The following STK33 variants were observed in gnomAD, a reference collection of about 807,000 sequenced individuals.
STK33 encodes serine/threonine-protein kinase 33.
In STK33, 52 loss-of-function variants were observed where a neutral mutation model predicts 58.0. That is an observed-to-expected ratio of 0.90 (90% CI 0.72 to 1.13). The LOEUF is 1.13. Among genes scored for constraint, STK33 ranks in the 50% most tolerant of loss-of-function variants. The pLI is 0.00. For synonymous variants in STK33, 215 were observed against 200.1 expected (o/e 1.07, Z -0.63); for missense variants, 630 against 604.2 (o/e 1.04, Z -0.45).
chr11:8,497,920 T>C (rs1225987769), intron 1 of STK33, among the ~76,000 whole-genome samples: 1 of 152,134 alleles, frequency 6.6e-6, no homozygotes, highest in African/African-American at 2.4e-5. Flanking sequence ...CACACAACTT[T>C]TGTAGACCAA....
At chr11:8,507,190 A>G (rs1052078462) in intron 1 of STK33, among the ~76,000 whole-genome samples, 9 of 152,146 alleles carry the variant, frequency 5.9e-5, no homozygotes, top group African/African-American at 2.2e-4. Context: ...GCCTTGGTTG[A>G]GCAAAACTCC....
intron 1 of STK33, among the ~76,000 whole-genome samples, chr11:8,578,719 T>C: frequency 6.6e-6 from 1 of 152,050 alleles, no homozygotes. Flanking sequence ...CTATATACTC[T>C]TCTTTTTTAA....
In STK33 at chr11:8,594,206, G is replaced by A. The variant is rs965541618; in HGVS notation, c.-589C>T. On this transcript the variant is annotated 5_prime_UTR_variant, in exon 1 of 16. Transcript: ENST00000687296. ...CAGAGCAACCGCAGGGCAGTGGACG[G>A]GGGCCGCGCGAGGACAAACAGCGGC... is the stretch of plus-strand genomic sequence containing the variant. 1 of 152,308 alleles carries A rather than the reference G, an allele frequency of 6.6e-6. No homozygotes were observed. Among genetic ancestry groups the A allele is most frequent in the Non-Finnish European group, 1.5e-5 (1 of 68,110 alleles). 9.4% of individuals were successfully genotyped at this position (152,308 alleles called of 1,614,324 possible).
chr11:8,497,114 G>C (rs1380231082), intron 1 of STK33, among the ~76,000 whole-genome samples: 1 of 151,842 alleles, frequency 6.6e-6, no homozygotes, highest in African/African-American at 2.4e-5. Flanking sequence ...GACACCTGTG[G>C]GATACCATCA....
At chr11:8,396,228 C>A (rs775307666) in intron 15 of STK33, among the ~76,000 whole-genome samples, 5 of 152,114 alleles carry the variant, frequency 3.3e-5, no homozygotes, top group Non-Finnish European at 5.9e-5. Context: ...CTCAGCCTCC[C>A]GAGTAGTTGG....
rs972795251 is a variant in STK33 at position 8,518,320 on chromosome 11, T to C, written c.-465-37706A>G. ...AGATTTTGTCACCACCAGGCCTGCC[T>C]TACAAGAGCTCCCGAAGGAAGTACT... On this transcript the variant is annotated intron_variant, in intron 1 of 15. Coordinates refer to ENST00000687296, the MANE Select transcript of STK33 (RefSeq NM_001352389.2). Among the ~76,000 whole-genome samples the C allele has an allele frequency of 5.9e-5, 9 of 152,210 alleles. No individual in the cohort carries two copies. In the South Asian group the frequency reaches 6.2e-4, roughly 11 times the overall value.
intron 1 of STK33, among the ~76,000 whole-genome samples, chr11:8,522,918 A>G (rs983515036): frequency 1.3e-5 from 2 of 152,016 alleles, no homozygotes; most frequent in African/African-American, 4.8e-5. Context: ...CAGCCTGCCG[A>G]GTGCCTGGGA....
intron 14 of STK33, among the ~76,000 whole-genome samples, chr11:8,434,823 C>A (rs1943866803): frequency 6.6e-6 from 1 of 152,164 alleles, no homozygotes; most frequent in Middle Eastern, 3.2e-3. Context: ...CGATAACTAG[C>A]AAAGAACACT....
At chr11:8,479,671 C>T (rs1233010910) in intron 2 of STK33, among the ~76,000 whole-genome samples, 6 of 151,886 alleles carry the variant, frequency 4.0e-5, no homozygotes, top group African/African-American at 1.2e-4. Context: ...GGTGAAACCC[C>T]GTCTCTACAA....
chr11:8,345,357 G>A, the STK33 span, among the ~76,000 whole-genome samples: 1 of 152,224 alleles, frequency 6.6e-6, no homozygotes, highest in Non-Finnish European at 1.5e-5. Context: ...AGAAGAAAAT[G>A]TAACTAGAGC....
intron 13 of STK33, 107 bp from the exon 14 acceptor site, chr11:8,435,686 A>G: frequency 1.8e-6 from 1 of 560,146 alleles, no homozygotes; most frequent in East Asian, 3.1e-5. Flanking sequence ...GAAAGATGCC[A>G]AGTGTACAAT....
intron 1 of STK33, among the ~76,000 whole-genome samples, chr11:8,584,110 GAAAAAAA>G (rs35914021): frequency 2.4e-5 from 3 of 126,630 alleles, no homozygotes; most frequent in Non-Finnish European, 3.3e-5. Flanking sequence ...GAATTTAGAT[GAAAAAAA>G]AAAAAAAAAA....
At chr11:8,349,356 C>T in the STK33 span, among the ~76,000 whole-genome samples, 1 of 152,174 alleles carries the variant, frequency 6.6e-6, no homozygotes, top group Non-Finnish European at 1.5e-5. Flanking sequence ...GCCCTGAAGC[C>T]TTTTATCCCA....
intron 1 of STK33, among the ~76,000 whole-genome samples, chr11:8,487,509 C>T (rs1035421947): frequency 6.6e-6 from 1 of 150,430 alleles, no homozygotes; most frequent in African/African-American, 2.4e-5. Flanking sequence ...TAGGTGAGAT[C>T]ATCCAGGAAG....
chr11:8,547,500 C>T (rs931646081), intron 1 of STK33, among the ~76,000 whole-genome samples: 4 of 152,206 alleles, frequency 2.6e-5, no homozygotes, highest in African/African-American at 9.6e-5. Context: ...AGGCGTGAGC[C>T]ACTGCACCTA....
chr11:8,523,947 G>T (rs1565270861), intron 1 of STK33, among the ~76,000 whole-genome samples: 1 of 152,246 alleles, frequency 6.6e-6, no homozygotes, highest in Admixed American at 6.5e-5. Flanking sequence ...GCAGACATGG[G>T]AGACTCCATC....
chr11:8,480,885 T>C (rs1167555642), intron 1 of STK33, among the ~76,000 whole-genome samples: 1 of 152,082 alleles, frequency 6.6e-6, no homozygotes, highest in East Asian at 1.9e-4. Context: ...AAGCAAAAGA[T>C]CAATAAGATC....
intron 1 of STK33, among the ~76,000 whole-genome samples, chr11:8,523,025 C>A (rs916901955): frequency 6.6e-6 from 1 of 152,198 alleles, no homozygotes; most frequent in Non-Finnish European, 1.5e-5. Context: ...AGCTCCTGAC[C>A]GCGAGTGATC....
chr11:8,534,094 G>A (rs1224312797), intron 1 of STK33, among the ~76,000 whole-genome samples: 3 of 152,050 alleles, frequency 2.0e-5, no homozygotes, highest in Non-Finnish European at 4.4e-5. Context: ...GGCCAACATG[G>A]TGAAAACCCG....
Sources: gnomAD v4.1 joint callset for allele counts (sites outside exome capture counted in the v4.1 genomes callset) on GRCh38, gnomAD v4.1.1 for gene constraint, MANE v1.5 for transcripts, NCBI Gene and HGNC (gene_info 2026-07-23, HGNC 2026-07-21) for gene names.